The following PDE3B variants were observed in gnomAD, a reference collection of about 807,000 sequenced individuals.
The protein encoded by PDE3B is phosphodiesterase 3B, also known as cGMP-inhibited 3',5'-cyclic phosphodiesterase 3B.
PDE3B carries 66 observed loss-of-function variants against 116.8 expected under a neutral mutation model. The observed-to-expected ratio is 0.56, with a 90% CI of 0.46 to 0.69. The LOEUF (loss-of-function observed/expected upper bound fraction) is 0.69. Among genes scored for constraint, PDE3B ranks in the 30% least tolerant of loss-of-function variants. The pLI is 0.00. For missense variants in PDE3B, 1,384 were observed against 1,368.1 expected, an observed-to-expected ratio of 1.01 and a Z score of -0.18; for synonymous variants, 595 against 533.6, an observed-to-expected ratio of 1.12 and a Z score of -1.59.
the PDE3B span, chr11:14,887,720 C>T: frequency 1.3e-6 from 1 of 771,538 alleles, no homozygotes; most frequent in South Asian, 5.9e-5. Flanking sequence ...AATGACCACT[C>T]CATACATCCT....
At chr11:14,786,039 A>G (rs1360237036) in intron 2 of PDE3B, among the ~76,000 whole-genome samples, 1 of 152,092 alleles carries the variant, frequency 6.6e-6, no homozygotes, top group Non-Finnish European at 1.5e-5. Flanking sequence ...CACACAGGTA[A>G]GATTAAAGTT....
At position 14,668,557 on chromosome 11, in the gene PDE3B, A is replaced by C. The variant is rs566286052; in HGVS notation, c.978+23504A>C. ...CATCAGATGTTTGAAAAAAAATTTT[A>C]AGCATGAAGCAAAGAGTCTAGTTTT... On this transcript the variant is annotated intron_variant, in intron 1 of 15. Transcript: ENST00000282096. Among the ~76,000 whole-genome samples the C allele has an allele frequency of 3.7e-4, 56 of 152,278 alleles. 1 individual carries two copies. The highest frequency in any genetic ancestry group is 1.2e-3 in the African/African-American group (51 of 41,562).
intron 1 of PDE3B, among the ~76,000 whole-genome samples, chr11:14,757,843 A>ATT (rs1857240921): frequency 6.7e-6 from 1 of 149,194 alleles, no homozygotes; most frequent in Admixed American, 6.7e-5. Flanking sequence ...TTTTGTTGCC[A>ATT]TTGCTTTTGG....
chr11:14,668,888 C>T (rs563960449), intron 1 of PDE3B, among the ~76,000 whole-genome samples: 2 of 152,184 alleles, frequency 1.3e-5, no homozygotes, highest in Non-Finnish European at 2.9e-5. Context: ...CTGTTTGTCT[C>T]GGACTGAGAT....
intron 1 of PDE3B, among the ~76,000 whole-genome samples, chr11:14,666,233 T>C (rs1291455955): frequency 6.7e-6 from 1 of 148,596 alleles, no homozygotes; most frequent in African/African-American, 2.5e-5. Flanking sequence ...TAGCCATATG[T>C]AGAAAGCTGA....
At chr11:14,658,439 C>G (rs1348080647) in intron 1 of PDE3B, among the ~76,000 whole-genome samples, 1 of 151,530 alleles carries the variant, frequency 6.6e-6, no homozygotes, top group Non-Finnish European at 1.5e-5. Flanking sequence ...TCACTGCAAC[C>G]TCCGTCTCCT....
At chr11:14,804,597 A>G (rs971110861) in intron 5 of PDE3B, among the ~76,000 whole-genome samples, 2 of 152,174 alleles carry the variant, frequency 1.3e-5, no homozygotes, top group Non-Finnish European at 2.9e-5. Context: ...CATAGGTACA[A>G]TTTTGTGATT....
At chr11:14,892,197 C>T in the PDE3B span, 3 of 1,610,110 alleles carry the variant, frequency 1.9e-6, no homozygotes, top group Non-Finnish European at 2.5e-6. Flanking sequence ...CTCTCCAAAG[C>T]TTCCACATCG....
At position 14,818,225 on chromosome 11, in the gene PDE3B, G is replaced by A. The variant is rs1859392576; in HGVS notation, c.1565G>A (p.Gly522Glu). The A allele has an allele frequency of 1.2e-6, 2 of 1,613,422 alleles. No homozygotes were observed. Among genetic ancestry groups the A allele is most frequent in the Non-Finnish European group, 1.7e-6 (2 of 1,179,638 alleles). ...SLSPVNSSNH[G>E]PVSTGSLTNR... Reference sequence around the variant, plus strand: ...AGTCCTGTGAATTCTTCCAACCATGGACCAGTGTCTACTGGCTCTCTAACT... The same window carrying A: ...AGTCCTGTGAATTCTTCCAACCATGAACCAGTGTCTACTGGCTCTCTAACT... The change falls in exon 6 of 16, where the codon GGA (glycine) becomes GAA (glutamate). Residue 522 changes from glycine (G) to glutamate (E), a missense_variant. By Grantham distance (98) the Gly-to-Glu change is moderately conservative. Around this residue, in one of 2 missense-constraint regions of PDE3B, gnomAD observed 956 missense variants for 806.8 expected, o/e 1.18. Coordinates refer to ENST00000282096, the MANE Select transcript of PDE3B (RefSeq NM_000922.4).
intron 1 of PDE3B, among the ~76,000 whole-genome samples, chr11:14,654,072 T>TA (rs2133751670): frequency 6.6e-6 from 1 of 151,962 alleles, no homozygotes; most frequent in South Asian, 2.1e-4. Context: ...GAATAAGAAG[T>TA]AAAGTATAAC....
intron 7 of PDE3B, among the ~76,000 whole-genome samples, chr11:14,821,959 T>C (rs370146683): frequency 4.6e-5 from 7 of 150,792 alleles, no homozygotes; most frequent in African/African-American, 1.7e-4. Flanking sequence ...GGCTAGAGAG[T>C]ACAGTGGCAC....
At chr11:14,886,242 A>G in the PDE3B span, 1 of 260,234 alleles carries the variant, frequency 3.8e-6, no homozygotes, top group Non-Finnish European at 7.4e-6. Context: ...CACTTAACCT[A>G]TCTGGGCTTC....
chr11:14,752,689 G>A (rs1395146157), intron 1 of PDE3B, among the ~76,000 whole-genome samples: 1 of 152,054 alleles, frequency 6.6e-6, no homozygotes, highest in African/African-American at 2.4e-5. Flanking sequence ...CACAAACTCT[G>A]AGCTGACATG....
At chr11:14,793,556 T>C (rs1206568761) in intron 4 of PDE3B, among the ~76,000 whole-genome samples, 1 of 152,188 alleles carries the variant, frequency 6.6e-6, no homozygotes, top group Non-Finnish European at 1.5e-5. Context: ...AAAAGAAGAC[T>C]GAACTGCTAT....
intron 1 of PDE3B, among the ~76,000 whole-genome samples, chr11:14,755,927 T>C (rs1857169739): frequency 6.6e-6 from 1 of 152,150 alleles, no homozygotes; most frequent in Admixed American, 6.5e-5. Flanking sequence ...GAGAAATAAG[T>C]CTCTACTGGT....
At chr11:14,671,766 C>T (rs1274631559) in intron 1 of PDE3B, among the ~76,000 whole-genome samples, 1 of 151,544 alleles carries the variant, frequency 6.6e-6, no homozygotes, top group East Asian at 1.9e-4. Flanking sequence ...GGTGGCTCAT[C>T]CCTGTAATCC....
intron 5 of PDE3B, among the ~76,000 whole-genome samples, chr11:14,805,878 G>T (rs1858904447): frequency 2.0e-5 from 3 of 152,144 alleles, no homozygotes; most frequent in Non-Finnish European, 4.4e-5. Context: ...GCAGCCAACA[G>T]ACATAGGAAA....
intron 1 of PDE3B, among the ~76,000 whole-genome samples, chr11:14,755,949 T>G (rs1057375874): frequency 2.6e-5 from 4 of 152,210 alleles, no homozygotes; most frequent in Non-Finnish European, 5.9e-5. Context: ...GAGTTTCAAC[T>G]ATTAGTGTTG....
chr11:14,647,902 G>A (rs973251225), intron 1 of PDE3B, among the ~76,000 whole-genome samples: 1 of 149,260 alleles, frequency 6.7e-6, no homozygotes, highest in South Asian at 2.1e-4. Context: ...TGCTATATAT[G>A]TATCAGTTCA....
Sources: gnomAD v4.1 joint callset for allele counts (sites outside exome capture counted in the v4.1 genomes callset) on GRCh38, gnomAD v4.1.1 for gene constraint, gnomAD v4.1.1 regional missense constraint, MANE v1.5 for transcripts, NCBI Gene and HGNC (gene_info 2026-07-23, HGNC 2026-07-21) for gene names.